The following EPHA3 variants were observed in gnomAD, a reference collection of about 807,000 sequenced individuals.
EPHA3 encodes the protein EPH receptor A3.
EPHA3 carries 42 observed loss-of-function variants against 107.1 expected under a neutral mutation model. That is an observed-to-expected ratio of 0.39 (90% confidence interval 0.31 to 0.51). EPHA3 has a LOEUF of 0.51. EPHA3 is among the 20% of genes least tolerant of loss of function. The pLI, the probability that EPHA3 is intolerant of heterozygous loss-of-function variation, is 0.78. For synonymous variants in EPHA3, 461 were observed against 424.8 expected (o/e 1.09, Z -1.05); for missense variants, 1,183 against 1,211.2 (o/e 0.98, Z 0.35).
intron 7 of EPHA3, among the ~76,000 whole-genome samples, chr3:89,401,772 T>A (rs1454923283): frequency 6.6e-6 from 1 of 152,110 alleles, no homozygotes; most frequent in Non-Finnish European, 1.5e-5. Context: ...CACGTCTGGC[T>A]AATTTTTTTT....
intron 2 of EPHA3, among the ~76,000 whole-genome samples, chr3:89,130,448 G>T (rs1704181813): frequency 6.6e-6 from 1 of 152,102 alleles, no homozygotes; most frequent in Non-Finnish European, 1.5e-5. Flanking sequence ...TTCATGGAAT[G>T]CTTGTATCAT....
chr3:89,283,592 T>G lies in EPHA3; in HGVS notation c.815-57324T>G, dbSNP rs186318943. Among the ~76,000 whole-genome samples the G allele has an allele frequency of 1.4e-3, 217 of 152,192 alleles. 2 individuals are homozygous for G. The highest frequency in any genetic ancestry group is 0.01 in the Middle Eastern group (3 of 294). On this transcript the variant is annotated intron_variant, in intron 3 of 16. Coordinates refer to ENST00000336596, the MANE Select transcript of EPHA3 (RefSeq NM_005233.6). ...GACATTTTACATATGCATTGCCACATAGTGAAATGAGAGCAGAAGCAAAGT... is the reference window on the plus strand; with the variant it reads ...GACATTTTACATATGCATTGCCACAGAGTGAAATGAGAGCAGAAGCAAAGT...
intron 3 of EPHA3, among the ~76,000 whole-genome samples, chr3:89,224,130 T>A (rs1352492172): frequency 6.6e-6 from 1 of 152,176 alleles, no homozygotes; most frequent in Non-Finnish European, 1.5e-5. Flanking sequence ...TAGGCACACA[T>A]GGGAGATGTA....
At chr3:89,244,580 C>T (rs544109278) in intron 3 of EPHA3, among the ~76,000 whole-genome samples, 1 of 151,938 alleles carries the variant, frequency 6.6e-6, no homozygotes, top group African/African-American at 2.4e-5. Flanking sequence ...TAATTATAAA[C>T]TTTGAATAGT....
At chr3:89,271,816 G>A (rs971398053) in intron 3 of EPHA3, among the ~76,000 whole-genome samples, 4 of 151,646 alleles carry the variant, frequency 2.6e-5, no homozygotes, top group African/African-American at 9.7e-5. Flanking sequence ...TTTTATACTG[G>A]GCCCTCGAAC....
At chr3:89,300,530 T>C (rs1265971401) in intron 3 of EPHA3, among the ~76,000 whole-genome samples, 3 of 152,002 alleles carry the variant, frequency 2.0e-5, no homozygotes, top group African/African-American at 7.2e-5. Context: ...AATTACTTAG[T>C]ACATGCTATG....
chr3:89,313,487 C>T (rs1706815983), intron 3 of EPHA3, among the ~76,000 whole-genome samples: 3 of 151,960 alleles, frequency 2.0e-5, no homozygotes, highest in Admixed American at 6.6e-5. Flanking sequence ...AATTTTCAAT[C>T]CTCCATTGAC....
At chr3:89,430,143 C>T (rs537189179) in intron 12 of EPHA3, among the ~76,000 whole-genome samples, 1 of 152,216 alleles carries the variant, frequency 6.6e-6, no homozygotes, top group East Asian at 1.9e-4. Flanking sequence ...TTATGTTCAA[C>T]AATTTCATGA....
At chr3:89,208,477 A>AGAAAGAAAGAAG (rs761847794) in intron 2 of EPHA3, among the ~76,000 whole-genome samples, 1,472 of 133,216 alleles carry the variant, frequency 0.011, 42 homozygotes, top group African/African-American at 0.014. Context: ...AAAGAAAGAA[A>AGAAAGAAAGAAG]GAAAGAGAAA....
chr3:89,292,075 G>T (rs1324608698), intron 3 of EPHA3, among the ~76,000 whole-genome samples: 2 of 152,062 alleles, frequency 1.3e-5, no homozygotes, highest in Non-Finnish European at 2.9e-5. Flanking sequence ...ATGGAACAAA[G>T]ACACTATAAT....
chr3:89,297,355 G>T (rs997436026), intron 3 of EPHA3, among the ~76,000 whole-genome samples: 1 of 152,106 alleles, frequency 6.6e-6, no homozygotes, highest in South Asian at 2.1e-4. Context: ...CCATTGCAGG[G>T]TTATGAATTG....
At chr3:89,425,992 T>A (rs890345714) in intron 11 of EPHA3, among the ~76,000 whole-genome samples, 22 of 151,708 alleles carry the variant, frequency 1.5e-4, no homozygotes, top group African/African-American at 5.3e-4. Flanking sequence ...AACTCATAAA[T>A]CAACTTGAGA....
chr3:89,251,336 T>C (rs1382582038), intron 3 of EPHA3, among the ~76,000 whole-genome samples: 1 of 152,038 alleles, frequency 6.6e-6, no homozygotes, highest in African/African-American at 2.4e-5. Flanking sequence ...TAGATTATAA[T>C]TTTTTTAAAA....
intron 15 of EPHA3, among the ~76,000 whole-genome samples, chr3:89,469,487 C>T (rs1324243471): frequency 6.6e-6 from 1 of 152,110 alleles, no homozygotes; most frequent in Admixed American, 6.5e-5. Context: ...GTGTAGGGCA[C>T]GATCTAAAAT....
At chr3:89,271,104 A>C (rs752105553) in intron 3 of EPHA3, among the ~76,000 whole-genome samples, 3 of 152,078 alleles carry the variant, frequency 2.0e-5, no homozygotes, top group Non-Finnish European at 4.4e-5. Flanking sequence ...GTTCTTCCTT[A>C]TTAATATTGT....
In EPHA3 at chr3:89,107,637, T is replaced by A. The variant is rs965333050; in HGVS notation, c.-112T>A. 3.0e-6 allele frequency: 3 copies of A among 1,011,474 alleles called. No homozygotes were observed. The highest frequency in any genetic ancestry group is 4.9e-5 in the East Asian group (2 of 41,042). 62.7% of individuals were successfully genotyped at this position (1,011,474 alleles called of 1,614,324 possible). On this transcript the variant is annotated 5_prime_UTR_variant, in exon 1 of 17. Coordinates refer to ENST00000336596, the MANE Select transcript of EPHA3 (RefSeq NM_005233.6). ...CTTATCTCCAGTGTCAAACTTGACATCAGCCTGCGAGCGGAGCATGGTAAC... is the reference window on the plus strand; with the variant it reads ...CTTATCTCCAGTGTCAAACTTGACAACAGCCTGCGAGCGGAGCATGGTAAC...
At chr3:89,247,817 T>C (rs534002409) in intron 3 of EPHA3, among the ~76,000 whole-genome samples, 9 of 152,188 alleles carry the variant, frequency 5.9e-5, no homozygotes, top group Non-Finnish European at 1.2e-4. Context: ...ATGATCTTCA[T>C]TGATAACATA....
At chr3:89,177,765 C>G (rs1705351370) in intron 2 of EPHA3, among the ~76,000 whole-genome samples, 1 of 152,118 alleles carries the variant, frequency 6.6e-6, no homozygotes. Context: ...AACTGTAGTC[C>G]TGACAACATT....
chr3:89,451,111 A>G (rs909348071), intron 15 of EPHA3, among the ~76,000 whole-genome samples: 41 of 152,204 alleles, frequency 2.7e-4, no homozygotes, highest in African/African-American at 9.7e-4. Flanking sequence ...ACCATTGAAG[A>G]TAAAACTAAG....
Sources: gnomAD v4.1 joint callset for allele counts (sites outside exome capture counted in the v4.1 genomes callset) on GRCh38, gnomAD v4.1.1 for gene constraint, MANE v1.5 for transcripts, NCBI Gene and HGNC (gene_info 2026-07-23, HGNC 2026-07-21) for gene names.